Variants in NELL2 observed in about 807,000 individuals in gnomAD.
NELL2 encodes the protein neural EGFL like 2.
Under a neutral mutation model 109.6 loss-of-function variants are expected in NELL2, and 41 were observed. The observed-to-expected ratio is 0.37, with a 90% CI of 0.29 to 0.49. NELL2 has a LOEUF of 0.49. Among genes scored for constraint, NELL2 ranks in the 20% least tolerant of loss-of-function variants. The probability of loss-of-function intolerance (pLI) is 0.98; values close to 1 mark genes in which losing one functional copy is unlikely to be tolerated. For missense variants in NELL2, 900 were observed against 1,008.3 expected (o/e 0.89, Z 1.45); for synonymous variants, 355 against 344.7 (o/e 1.03, Z -0.33).
intron 3 of NELL2, among the ~76,000 whole-genome samples, chr12:44,809,472 T>C (rs1032311273): frequency 6.6e-6 from 1 of 152,068 alleles, no homozygotes; most frequent in Non-Finnish European, 1.5e-5. Context: ...CTGCCATATA[T>C]TACTGTCTGG....
chr12:44,608,230 C>T (rs1945476535), intron 14 of NELL2, among the ~76,000 whole-genome samples: 1 of 152,018 alleles, frequency 6.6e-6, no homozygotes, highest in East Asian at 1.9e-4. Context: ...CTATAGTTTT[C>T]TGGCATGTGC....
intron 9 of NELL2, among the ~76,000 whole-genome samples, chr12:44,759,719 G>A (rs746786303): frequency 6.6e-6 from 1 of 152,206 alleles, no homozygotes; most frequent in Non-Finnish European, 1.5e-5. Context: ...CATTGACCAT[G>A]TAGATCCTCC....
intron 13 of NELL2, among the ~76,000 whole-genome samples, chr12:44,615,095 G>A (rs1945771638): frequency 6.6e-6 from 1 of 152,008 alleles, no homozygotes; most frequent in African/African-American, 2.4e-5. Flanking sequence ...TTTAGTAAAT[G>A]GATTCATTAT....
At chr12:44,699,197 A>T (rs1949148339) in intron 12 of NELL2, among the ~76,000 whole-genome samples, 1 of 152,200 alleles carries the variant, frequency 6.6e-6, no homozygotes, top group African/African-American at 2.4e-5. Context: ...TAAAATATTT[A>T]AAAATGTAGT....
rs12230951 is a variant in NELL2, at chr12:44,661,181, G to A, written c.1444+4303C>T. Among the ~76,000 whole-genome samples, 194 of 152,274 alleles carry A rather than the reference G, an allele frequency of 1.3e-3. 3 individuals are homozygous for A. In the East Asian group the frequency reaches 0.026, roughly 21 times the overall value. ...CACTGTGCATGCTCACTTCCCAAGC[G>A]TAAGGAGGGCACTGCACATGCAGGC... On this transcript the variant is annotated intron_variant, in intron 13 of 19. Coordinates refer to ENST00000429094, the MANE Select transcript of NELL2 (RefSeq NM_001145108.2).
chr12:44,570,655 T>C (rs560171961), intron 15 of NELL2, among the ~76,000 whole-genome samples: 1 of 152,306 alleles, frequency 6.6e-6, no homozygotes, highest in East Asian at 1.9e-4. Context: ...ATTTGGGGTG[T>C]TGGCTCAAAG....
chr12:44,749,267 T>C (rs1348360646), intron 9 of NELL2, among the ~76,000 whole-genome samples: 1 of 152,156 alleles, frequency 6.6e-6, no homozygotes, highest in Non-Finnish European at 1.5e-5. Context: ...AGAAGATAAA[T>C]AATGCATTAT....
At chr12:44,686,594 G>T (rs1356167934) in intron 12 of NELL2, among the ~76,000 whole-genome samples, 2 of 151,504 alleles carry the variant, frequency 1.3e-5, no homozygotes, top group African/African-American at 4.9e-5. Context: ...TAGGTTTTTG[G>T]TGTGGATGTC....
In NELL2 at chr12:44,875,364, G is replaced by C; in HGVS notation, c.56-11C>G. 2 of 1,614,110 alleles carry C rather than the reference G, an allele frequency of 1.2e-6. No homozygotes were observed. Among genetic ancestry groups the C allele is most frequent in the Non-Finnish European group, 8.5e-7 (1 of 1,180,036 alleles). ...CACCAAGCCCCCAAACTGGTGAGGG[G>C]TATGAGGTGGGAGAGAGAAAAAGGA... On this transcript the variant is annotated splice_polypyrimidine_tract_variant and intron_variant, in intron 1 of 19. Transcript: ENST00000429094.
chr12:44,617,227 G>T (rs1215486319), intron 13 of NELL2, among the ~76,000 whole-genome samples: 1 of 152,104 alleles, frequency 6.6e-6, no homozygotes, highest in Non-Finnish European at 1.5e-5. Flanking sequence ...AAAAATGAGA[G>T]AATTATGTAC....
intron 15 of NELL2, among the ~76,000 whole-genome samples, chr12:44,557,585 G>GA (rs1395403190): frequency 6.6e-6 from 1 of 152,118 alleles, no homozygotes; most frequent in Non-Finnish European, 1.5e-5. Context: ...AGGTAATGGA[G>GA]AAAAAAATCA....
chr12:44,688,645 T>A (rs951102226), intron 12 of NELL2, among the ~76,000 whole-genome samples: 21 of 152,228 alleles, frequency 1.4e-4, no homozygotes, highest in Admixed American at 3.9e-4. Flanking sequence ...TTTCCATACA[T>A]CAGCAATGCG....
intron 11 of NELL2, among the ~76,000 whole-genome samples, chr12:44,707,279 A>G (rs57804181): frequency 0.059 from 8,923 of 152,136 alleles, 869 homozygotes; most frequent in African/African-American, 0.2. Context: ...CTGAAACTCA[A>G]TTCTGGGGGT....
intron 2 of NELL2, among the ~76,000 whole-genome samples, chr12:44,829,268 T>C (rs554759578): frequency 4.6e-5 from 7 of 152,308 alleles, no homozygotes; most frequent in African/African-American, 1.7e-4. Flanking sequence ...TTCACAACTT[T>C]AATAGCCTGA....
intron 13 of NELL2, among the ~76,000 whole-genome samples, chr12:44,662,860 GCA>G (rs1592289665): frequency 6.6e-6 from 1 of 152,104 alleles, no homozygotes; most frequent in East Asian, 1.9e-4. Context: ...GGAAAGAAGG[GCA>G]GGGATACAGA....
chr12:44,675,075 G>A (rs369267437), intron 12 of NELL2, among the ~76,000 whole-genome samples: 2 of 152,148 alleles, frequency 1.3e-5, no homozygotes, highest in Non-Finnish European at 2.9e-5. Context: ...GAAGCTCAAC[G>A]TGGCAGAGTG....
intron 9 of NELL2, among the ~76,000 whole-genome samples, chr12:44,723,001 A>T (rs1193262257): frequency 6.6e-6 from 1 of 152,158 alleles, no homozygotes; most frequent in African/African-American, 2.4e-5. Flanking sequence ...ATCCTGGCTA[A>T]CACGGTGAAA....
At chr12:44,680,836 C>T (rs1948471306) in intron 12 of NELL2, among the ~76,000 whole-genome samples, 1 of 152,144 alleles carries the variant, frequency 6.6e-6, no homozygotes, top group Admixed American at 6.6e-5. Context: ...CCCCTAAAAA[C>T]TTATTCTTAT....
chr12:44,694,604 CT>C (rs201806337), intron 12 of NELL2, among the ~76,000 whole-genome samples: 11,249 of 144,592 alleles, frequency 0.078, 489 homozygotes, highest in Admixed American at 0.097. Flanking sequence ...TATCCTTAGA[CT>C]TTTTTTTTTT....
Sources: gnomAD v4.1 joint callset for allele counts (sites outside exome capture counted in the v4.1 genomes callset) on GRCh38, gnomAD v4.1.1 for gene constraint, MANE v1.5 for transcripts, NCBI Gene and HGNC (gene_info 2026-07-23, HGNC 2026-07-21) for gene names.